The following DGKG variants were observed in gnomAD, a reference collection of about 807,000 sequenced individuals.
The protein encoded by DGKG is DAG kinase gamma.
DGKG carries 78 observed loss-of-function variants against 105.3 expected under a neutral mutation model. That is an observed-to-expected ratio of 0.74 (90% CI 0.62 to 0.89). DGKG has a LOEUF of 0.89. DGKG is among the 40% of genes least tolerant of loss of function. The pLI is 0.00. For missense variants in DGKG, 958 were observed against 1,020.1 expected, an observed-to-expected ratio of 0.94 and a Z score of 0.83; for synonymous variants, 346 against 367.1, an observed-to-expected ratio of 0.94 and a Z score of 0.66.
rs1412182380 is a variant in DGKG, at chr3:186,188,269, G to A, written c.2028C>T (p.Asn676=). The A allele has an allele frequency of 3.7e-6, 6 of 1,614,022 alleles. No individual in the cohort carries two copies. The highest frequency in any genetic ancestry group is 5.1e-6 in the Non-Finnish European group (6 of 1,180,050). The change falls in exon 22 of 25, where the codon AAC becomes AAT. Residue 676 remains asparagine, a synonymous_variant. Transcript: ENST00000265022. ...GTNLWGENKK[N]RAVIRESRKG... is the part of the protein sequence containing the mutation. ...TCCTGCTTTCCCGGATCACAGCCCG[G>A]TTCTTCTTGTTTTCTCCCCAGAGAT...
chr3:186,188,896 C>A (rs573871420), intron 21 of DGKG, among the ~76,000 whole-genome samples: 48 of 152,186 alleles, frequency 3.2e-4, no homozygotes, highest in African/African-American at 1.2e-3. Flanking sequence ...CTCACTGCAA[C>A]CTCCACTTTC....
rs773335342 is a variant in DGKG, at chr3:186,297,453, G to A, written c.341C>T (p.Thr114Ile). ...AGGGGCACAGGCCTCGTCTGCTTTG[G>A]TGGCATTATCTGCATTCTGTATATT... ...DTNIQNADNA[T>I]KADEACAPDT... is the part of the protein sequence containing the mutation. Residue 114 changes from threonine to isoleucine, a missense_variant, in exon 5 of 25, where the codon ACC becomes ATC. Thr to Ile is a moderately conservative substitution (Grantham distance 89). This residue lies in a region of DGKG where 643 missense variants were observed against 619.5 expected (regional missense o/e 1.04). Transcript: ENST00000265022. The A allele has an allele frequency of 1.2e-6, 2 of 1,612,924 alleles. No individual in the cohort carries two copies. Among genetic ancestry groups the A allele is most frequent in the Admixed American group, 3.3e-5 (2 of 60,024 alleles).
At position 186,160,886 on chromosome 3, in the gene DGKG, T is replaced by C. The variant is rs1031636601; in HGVS notation, c.2277+717A>G. ...TAGTGCTAAAGGGAGAGCTAACGGA[T>C]ATGGTAAGTCTGGGAATGGAGATAG... On this transcript the variant is annotated intron_variant, in intron 24 of 24. Transcript: ENST00000265022. 6 of 985,326 alleles carry C rather than the reference T, an allele frequency of 6.1e-6. No individual in the cohort carries two copies. The African/African-American group carries it at 8.7e-5, about 14-fold the overall frequency. 61.0% of individuals were successfully genotyped at this position (985,326 alleles called of 1,614,324 possible). A position where few individuals can be genotyped will look rare whatever the true frequency, so the allele number is the denominator to read the frequency against.
Position 186,272,029 on chromosome 3 carries a change from G to A in DGKG, c.999+226C>T, listed in dbSNP as rs144780418. Among the ~76,000 whole-genome samples the A allele has an allele frequency of 4.5e-3, 691 of 152,302 alleles. 12 individuals carry two copies. Among genetic ancestry groups the A allele is most frequent in the African/African-American group, 0.015 (629 of 41,550 alleles). On this transcript the variant is annotated intron_variant, in intron 11 of 24. Coordinates refer to ENST00000265022, the MANE Select transcript of DGKG (RefSeq NM_001346.3). ...ATAGTTCTTGAGCAGGCTGGGGAGC[G>A]TCTCTTACAACCTGTGTACCCCCTA...
intron 1 of DGKG, among the ~76,000 whole-genome samples, chr3:186,322,839 C>T (rs1341125133): frequency 6.6e-6 from 1 of 152,194 alleles, no homozygotes; most frequent in Non-Finnish European, 1.5e-5. Context: ...CCAGTGTCCC[C>T]AGCCGCTCGG....
At chr3:186,331,836 A>T (rs578039584) in intron 1 of DGKG, among the ~76,000 whole-genome samples, 84 of 152,346 alleles carry the variant, frequency 5.5e-4, no homozygotes, top group African/African-American at 1.7e-3. Flanking sequence ...AGCAACCTCC[A>T]TTTATAGATT....
At chr3:186,214,188 C>A (rs372764017) in intron 20 of DGKG, among the ~76,000 whole-genome samples, 1 of 152,180 alleles carries the variant, frequency 6.6e-6, no homozygotes, top group South Asian at 2.1e-4. Context: ...AGGTCAGCAT[C>A]GCAGAATAAC....
intron 21 of DGKG, 54 bp downstream of exon 21, chr3:186,211,741 A>T (rs1386546677): frequency 6.3e-6 from 8 of 1,277,084 alleles, no homozygotes; most frequent in Non-Finnish European, 9.2e-6. Context: ...CATGTGTGAC[A>T]GTCCAGGAGC....
chr3:186,230,206 C>T (rs891167772), intron 20 of DGKG, among the ~76,000 whole-genome samples: 30 of 152,036 alleles, frequency 2.0e-4, no homozygotes, highest in Middle Eastern at 3.2e-3. Context: ...TGCAGTGAGC[C>T]GAGATCACGC....
At chr3:186,276,228 G>A (rs1294751754) in intron 9 of DGKG, among the ~76,000 whole-genome samples, 1 of 152,172 alleles carries the variant, frequency 6.6e-6, no homozygotes, top group African/African-American at 2.4e-5. Flanking sequence ...TGTAATGTTA[G>A]GTGGCAATCA....
In DGKG at chr3:186,361,594, G is replaced by C. The variant is rs1727232554; in HGVS notation, c.-249+352C>G. On this transcript the variant is annotated intron_variant, in intron 1 of 24. Coordinates refer to ENST00000265022, the MANE Select transcript of DGKG (RefSeq NM_001346.3). This position sits in a 1 kb window ranked among gnomAD's most constrained non-coding sequence, Gnocchi z 6.8. The stretch of plus-strand genomic sequence containing the variant: ...CCTGGAGCGCGAACTGGATATCAAG[G>C]AGCCAAGGTTAAGTCCAGAAGAAGA... 6.6e-6 allele frequency among the ~76,000 whole-genome samples: 1 copy of C among 152,190 alleles called. No individual in the cohort carries two copies. Among genetic ancestry groups the C allele is most frequent in the South Asian group, 2.1e-4 (1 of 4,830 alleles).
intron 2 of DGKG, 72 bp downstream of exon 2, chr3:186,320,321 C>T (rs1278103158): frequency 1.9e-6 from 3 of 1,588,064 alleles, no homozygotes; most frequent in Non-Finnish European, 1.7e-6. Flanking sequence ...GATCATACTG[C>T]TATGCTTTCC....
In DGKG at chr3:186,205,163, G is replaced by A. The variant is rs146423638; in HGVS notation, c.1917+6632C>T. Among the ~76,000 whole-genome samples, 20 of 151,598 alleles carry A rather than the reference G, an allele frequency of 1.3e-4. No homozygotes were observed. In the East Asian group the frequency reaches 3.3e-3, roughly 25 times the overall value. On this transcript the variant is annotated intron_variant, in intron 21 of 24. Coordinates refer to ENST00000265022, the MANE Select transcript of DGKG (RefSeq NM_001346.3). ...TCGCAGCTACTTGGGAGACTGAGGC[G>A]GGAGAATCACTTGAACCTGGAAGGC...
At chr3:186,337,146 C>T (rs975724460) in intron 1 of DGKG, among the ~76,000 whole-genome samples, 1 of 152,066 alleles carries the variant, frequency 6.6e-6, no homozygotes, top group Non-Finnish European at 1.5e-5. Context: ...GCTAGCATAA[C>T]CCGGTAACAA....
At chr3:186,338,319 A>G (rs936870327) in intron 1 of DGKG, among the ~76,000 whole-genome samples, 1 of 152,212 alleles carries the variant, frequency 6.6e-6, no homozygotes, top group Admixed American at 6.5e-5. Context: ...AAATGGATAC[A>G]TATTTTATTC....
chr3:186,272,788 G>A (rs1229339853), intron 10 of DGKG, among the ~76,000 whole-genome samples: 1 of 151,748 alleles, frequency 6.6e-6, no homozygotes, highest in East Asian at 1.9e-4. Flanking sequence ...GTGTGATCTC[G>A]GCTCACTGCA....
chr3:186,257,751 G>T, intron 17 of DGKG, 103 bp downstream of exon 17: 4 of 821,880 alleles, frequency 4.9e-6, no homozygotes, highest in Non-Finnish European at 4.1e-6. Context: ...ATACAAGGAT[G>T]AACAGACATG....
chr3:186,245,417 T>A (rs1720893707), intron 19 of DGKG, among the ~76,000 whole-genome samples: 1 of 152,220 alleles, frequency 6.6e-6, no homozygotes, highest in Non-Finnish European at 1.5e-5. Context: ...ACTTTCACTC[T>A]CTGGAGCTTC....
intron 1 of DGKG, among the ~76,000 whole-genome samples, chr3:186,358,193 G>C (rs939664421): frequency 1.3e-5 from 2 of 152,252 alleles, no homozygotes; most frequent in Admixed American, 1.3e-4. Flanking sequence ...TGGGGATACA[G>C]AAAAGGATTA....
Sources: allele counts gnomAD v4.1 joint callset (sites outside exome capture counted in the v4.1 genomes callset), GRCh38; gene constraint gnomAD v4.1.1; regional missense constraint gnomAD v4.1.1; non-coding constraint Gnocchi (gnomAD v3.1); transcripts MANE v1.5; gene names NCBI Gene and HGNC (gene_info 2026-07-23, HGNC 2026-07-21).